CNNM3: variants seen among roughly 807,000 people sequenced by gnomAD.
CNNM3 encodes metal transporter CNNM3.
CNNM3 carries 47 observed loss-of-function variants against 57.1 expected under a neutral mutation model. The observed-to-expected ratio is 0.82, with a 90% CI of 0.65 to 1.05. The LOEUF (loss-of-function observed/expected upper bound fraction) is 1.05, where lower values mean the gene tolerates loss of function less well. Among genes scored for constraint, CNNM3 ranks in the 50% least tolerant of loss-of-function variants. The pLI, the probability that CNNM3 is intolerant of heterozygous loss-of-function variation, is 0.00. For missense variants in CNNM3, 957 were observed against 973.7 expected (o/e 0.98, Z 0.23); for synonymous variants, 507 against 478.2 (o/e 1.06, Z -0.79).
chr2:96,836,279 G>A (rs1301524271), downstream of CNNM3, among the ~76,000 whole-genome samples: 1 of 118,450 alleles, frequency 8.4e-6, no homozygotes, highest in East Asian at 2.4e-4. Flanking sequence ...TTTCACTCTT[G>A]TTGCCCAGGC....
At chr2:96,827,685 C>T (rs2153355390) in intron 3 of CNNM3, 46 bp from the exon 4 acceptor site, 1 of 1,571,406 alleles carries the variant, frequency 6.4e-7, no homozygotes, top group Non-Finnish European at 8.7e-7. Context: ...GTTCCACTGG[C>T]CACTAGGCCC....
At chr2:96,829,507 G>T (rs1196369522) in intron 7 of CNNM3, among the ~76,000 whole-genome samples, 1 of 151,558 alleles carries the variant, frequency 6.6e-6, no homozygotes, top group Non-Finnish European at 1.5e-5. Context: ...CACCATGTTG[G>T]CCAGGCTGGT....
chr2:96,824,969 C>A, intron 1 of CNNM3, 89 bp from the exon 2 acceptor site: 1 of 1,463,512 alleles, frequency 6.8e-7, no homozygotes, highest in South Asian at 1.2e-5. Flanking sequence ...GAACGTTAGC[C>A]GTGTCCTTTT....
intron 1 of CNNM3, chr2:96,824,839 G>T: frequency 1.7e-6 from 1 of 578,710 alleles, no homozygotes; most frequent in East Asian, 3.0e-5. Flanking sequence ...ATGGGCATGA[G>T]CCCACTGCTT....
rs752538461 is a variant in CNNM3 at position 96,817,234 on chromosome 2, G to A, written c.957G>A (p.Thr319=). The change falls in exon 1 of 8, where the codon ACG becomes ACA. Residue 319 remains threonine (T), a synonymous_variant. Transcript: ENST00000305510. ...LRCRTVEDVL[T]PLEDCFMLDA... Reference sequence around the variant, plus strand: ...GCCGGACCGTGGAGGACGTGCTCACGCCCCTCGAAGACTGCTTCATGCTGG... The same window carrying A: ...GCCGGACCGTGGAGGACGTGCTCACACCCCTCGAAGACTGCTTCATGCTGG... 6.2e-7 allele frequency: 1 copy of A among 1,605,246 alleles called. No homozygotes were observed. The highest frequency in any genetic ancestry group is 1.1e-5 in the South Asian group (1 of 90,978).
downstream of CNNM3, among the ~76,000 whole-genome samples, chr2:96,835,728 A>G (rs1427517982): frequency 6.6e-6 from 1 of 151,996 alleles, no homozygotes; most frequent in Admixed American, 6.6e-5. Flanking sequence ...CAGCCTCCCA[A>G]AGTTCTGGGA....
intron 7 of CNNM3, among the ~76,000 whole-genome samples, chr2:96,829,947 G>A (rs1415554498): frequency 1.3e-5 from 2 of 152,094 alleles, no homozygotes; most frequent in African/African-American, 2.4e-5. Flanking sequence ...ATATTTAAGC[G>A]TGGCCCATCC....
chr2:96,827,610 C>A, intron 3 of CNNM3, 121 bp from the exon 4 acceptor site: 1 of 1,012,788 alleles, frequency 9.9e-7, no homozygotes, highest in Non-Finnish European at 1.5e-6. Flanking sequence ...GGCAGCTGCT[C>A]ACAGGCCACC....
chr2:96,816,971 G>C lies in CNNM3; in HGVS notation c.694G>C (p.Val232Leu), dbSNP rs1160029583. The C allele has an allele frequency of 7.4e-7, 1 of 1,348,448 alleles. No homozygotes were observed. The highest frequency in any genetic ancestry group is 9.6e-7 in the Non-Finnish European group (1 of 1,044,024). 83.5% of individuals were successfully genotyped at this position (1,348,448 alleles called of 1,614,324 possible). A position where few individuals can be genotyped will look rare whatever the true frequency, so the allele number is the denominator to read the frequency against. The change falls in exon 1 of 8, where the codon GTG (valine) becomes CTG (leucine). Residue 232 changes from valine (V) to leucine (L), a missense_variant. Coordinates refer to ENST00000305510, the MANE Select transcript of CNNM3 (RefSeq NM_017623.5). The part of the protein sequence containing the change: ...VPAVLGSAGL[V>L]FLVGEVVPAA... Reference sequence around the variant, plus strand: ...CGCCGTGTTGGGCAGCGCGGGGCTCGTGTTCCTGGTGGGAGAGGTGGTGCC... The same window carrying C: ...CGCCGTGTTGGGCAGCGCGGGGCTCCTGTTCCTGGTGGGAGAGGTGGTGCC...
chr2:96,817,830 C>G (rs895945170), intron 1 of CNNM3, among the ~76,000 whole-genome samples: 11 of 151,632 alleles, frequency 7.3e-5, no homozygotes, highest in African/African-American at 2.7e-4. Flanking sequence ...CAGAGTGTTT[C>G]TGTGTGCTTG....
At chr2:96,825,023 C>A in intron 1 of CNNM3, 35 bp from the exon 2 acceptor site, 1 of 1,609,894 alleles carries the variant, frequency 6.2e-7, no homozygotes, top group East Asian at 2.2e-5. Flanking sequence ...GGGGGGGGCC[C>A]AGCAAGCTGT....
At position 96,817,160 on chromosome 2, in the gene CNNM3, CGCG is replaced by C. The variant is rs2079335354; in HGVS notation, c.893_895del (p.Gly298del). 17 of 1,431,910 alleles carry C rather than the reference CGCG, an allele frequency of 1.2e-5. No individual in the cohort carries two copies. Among genetic ancestry groups the C allele is most frequent in the South Asian group, 3.1e-5 (2 of 64,286 alleles). The allele number at this position is 1,431,910 out of a possible 1,614,324, so 88.7% of individuals were successfully genotyped here. A position where few individuals can be genotyped will look rare whatever the true frequency, so the allele number is the denominator to read the frequency against. On this transcript the variant is annotated inframe_deletion, in exon 1 of 8. Coordinates refer to ENST00000305510, the MANE Select transcript of CNNM3 (RefSeq NM_017623.5). ...GCGGGAGCGGGTGCTGGAGCTGGCG[CGCG>C]GCGGCGGCGACCCCTACAGCGATCT...
Position 96,828,649 on chromosome 2 carries a change from G to A in CNNM3, c.1869G>A (p.Ala623=), listed in dbSNP as rs372047605. 17 of 1,614,158 alleles carry A rather than the reference G, an allele frequency of 1.1e-5. No individual in the cohort carries two copies. The highest frequency in any genetic ancestry group is 6.6e-5 in the South Asian group (6 of 91,088). Residue 623 remains alanine, a synonymous_variant, in exon 6 of 8, where the codon GCG becomes GCA. Transcript: ENST00000305510. ...PDPGDGTHSS[A]YCPDYTVRAL... is the part of the protein sequence containing the mutation. ...CAGGTGACGGCACGCATTCATCTGCGTATTGTCCCGACTACACCGTGAGGG... is the reference window on the plus strand; with the variant it reads ...CAGGTGACGGCACGCATTCATCTGCATATTGTCCCGACTACACCGTGAGGG...
intron 1 of CNNM3, among the ~76,000 whole-genome samples, chr2:96,824,201 C>A (rs1370945273): frequency 6.6e-6 from 1 of 152,162 alleles, no homozygotes; most frequent in Admixed American, 6.5e-5. Flanking sequence ...CATTCCCCAG[C>A]ACTCTGAGAC....
chr2:96,828,409 CG>C, intron 5 of CNNM3, 157 bp from the exon 6 acceptor site: 1 of 989,916 alleles, frequency 1.0e-6, no homozygotes. Flanking sequence ...AAACCTCTCC[CG>C]GCTGTGTTTG....
intron 5 of CNNM3, 111 bp downstream of exon 5, chr2:96,828,306 C>G (rs2079544320): frequency 1.1e-6 from 1 of 941,650 alleles, no homozygotes; most frequent in South Asian, 1.5e-5. Flanking sequence ...CCACCTGAGC[C>G]CACCACCCCA....
rs571858638 is a variant in CNNM3, at chr2:96,834,333, A to AT, written c.*1719dup. Among the ~76,000 whole-genome samples, 54 of 123,574 alleles carry AT rather than the reference A, an allele frequency of 4.4e-4. No homozygotes were observed. Among genetic ancestry groups the AT allele is most frequent in the South Asian group, 6.5e-4 (3 of 4,634 alleles). The allele number at this position is 123,574 out of a possible 152,430, so 81.1% of individuals were successfully genotyped here. On this transcript the variant is annotated 3_prime_UTR_variant, in exon 8 of 8. Transcript: ENST00000305510. ...AGAGTTTTCAATTTTTTATTTATTTATTATTATTATTATTATTATTATTAT... is the reference window on the plus strand; with the variant it reads ...AGAGTTTTCAATTTTTTATTTATTTATTTATTATTATTATTATTATTATTAT...
chr2:96,816,892 G>T lies in CNNM3; in HGVS notation c.615G>T (p.Ala205=). 1 of 1,117,876 alleles carries T rather than the reference G, an allele frequency of 8.9e-7. No homozygotes were observed. The highest frequency in any genetic ancestry group is 1.1e-6 in the Non-Finnish European group (1 of 918,396). 69.2% of individuals were successfully genotyped at this position (1,117,876 alleles called of 1,614,324 possible). A position where few individuals can be genotyped will look rare whatever the true frequency, so the allele number is the denominator to read the frequency against. ...CGCTGCTGCTGCTGGCCAGCCTGGC[G>T]CAGGCGGCGCTGGCGGTGCTGCTGT... ...LGALLLLASL[A]QAALAVLLYR... Residue 205 remains alanine (A), a synonymous_variant, in exon 1 of 8, where the codon GCG becomes GCT. Transcript: ENST00000305510.
At chr2:96,817,896 G>A (rs1307878571) in intron 1 of CNNM3, among the ~76,000 whole-genome samples, 1 of 152,166 alleles carries the variant, frequency 6.6e-6, no homozygotes, top group Non-Finnish European at 1.5e-5. Flanking sequence ...AGAAAAGATG[G>A]TAGTCTCCAG....
Sources: allele counts gnomAD v4.1 joint callset (sites outside exome capture counted in the v4.1 genomes callset), GRCh38; gene constraint gnomAD v4.1.1; transcripts MANE v1.5; gene names NCBI Gene and HGNC (gene_info 2026-07-23, HGNC 2026-07-21).